Variants in ROS1 observed in about 807,000 individuals in gnomAD.
ROS1 encodes ROS proto-oncogene 1, receptor tyrosine kinase, also known as proto-oncogene tyrosine-protein kinase ROS.
In ROS1, 263 loss-of-function variants were observed where a neutral mutation model predicts 273.5. That is an observed-to-expected ratio of 0.96 (90% CI 0.87 to 1.06). The LOEUF is 1.06. Ranked by LOEUF, ROS1 falls within the 50% of genes least tolerant of loss-of-function variation. The probability of loss-of-function intolerance (pLI) is 0.00; values close to 1 mark genes in which losing one functional copy is unlikely to be tolerated. For synonymous variants in ROS1, 1,008 were observed against 954.1 expected (o/e 1.06, Z -1.04); for missense variants, 2,833 against 2,751.1 (o/e 1.03, Z -0.67).
intron 33 of ROS1, 94 bp downstream of exon 33, chr6:117,329,235 T>C: frequency 1.5e-6 from 1 of 678,630 alleles, no homozygotes. Context: ...TGTTTGTATA[T>C]AAATACATTT....
At chr6:117,326,714 T>A (rs1409747343) in intron 33 of ROS1, among the ~76,000 whole-genome samples, 1 of 152,198 alleles carries the variant, frequency 6.6e-6, no homozygotes, top group East Asian at 1.9e-4. Context: ...TTCTCCAGAA[T>A]TCCAAACCTA....
intron 12 of ROS1, among the ~76,000 whole-genome samples, chr6:117,390,094 CTT>C (rs983948871): frequency 6.6e-6 from 1 of 152,196 alleles, no homozygotes; most frequent in South Asian, 2.1e-4. Flanking sequence ...TTATAAGTGA[CTT>C]TTTAAGGAAT....
chr6:117,379,080 G>T lies in ROS1; in HGVS notation c.2561C>A (p.Thr854Lys), dbSNP rs762602217. The change falls in exon 18 of 44, where the codon ACA becomes AAA. Residue 854 changes from threonine (T) to lysine (K), a missense_variant. By Grantham distance (78) the Thr-to-Lys change is moderately conservative. Coordinates refer to ENST00000368507, the MANE Select transcript of ROS1 (RefSeq NM_001378902.1). ...VQDSQCIHLYTAVLRGQSTGD... is the reference protein window; with the variant it reads ...VQDSQCIHLYKAVLRGQSTGD... ...TTACCTCTGTCCCCGAAGAACAGCT[G>T]TGTACAGGTGAATACATTGACTGTC... 44 of 1,611,738 alleles carry T rather than the reference G, an allele frequency of 2.7e-5. No homozygotes were observed. Among genetic ancestry groups the T allele is most frequent in the Non-Finnish European group, 3.5e-5 (41 of 1,178,236 alleles).
intron 18 of ROS1, among the ~76,000 whole-genome samples, chr6:117,371,547 T>G (rs1582769090): frequency 6.6e-6 from 1 of 152,172 alleles, no homozygotes; most frequent in Non-Finnish European, 1.5e-5. Flanking sequence ...TTGTAAAAAT[T>G]TAAACCGAAT....
At chr6:117,315,887 T>A (rs1461480234) in intron 39 of ROS1, among the ~76,000 whole-genome samples, 3 of 152,262 alleles carry the variant, frequency 2.0e-5, no homozygotes, top group African/African-American at 7.2e-5. Flanking sequence ...TGTCTGATAC[T>A]GTTAGCCATA....
At chr6:117,316,199 T>G (rs1214215920) in intron 39 of ROS1, among the ~76,000 whole-genome samples, 2 of 152,080 alleles carry the variant, frequency 1.3e-5, no homozygotes, top group East Asian at 3.9e-4. Context: ...ATCCTCATCT[T>G]CCATACTGGG....
chr6:117,351,179 C>T (rs529123581), intron 27 of ROS1, among the ~76,000 whole-genome samples: 1 of 152,242 alleles, frequency 6.6e-6, no homozygotes, highest in East Asian at 1.9e-4. Flanking sequence ...CAGTTAACTT[C>T]AAGTGGGTTT....
At chr6:117,351,139 G>A (rs796478098) in intron 27 of ROS1, among the ~76,000 whole-genome samples, 32 of 152,216 alleles carry the variant, frequency 2.1e-4, no homozygotes, top group African/African-American at 7.5e-4. Context: ...TAGGGGAAGG[G>A]GAGGCATTTT....
At chr6:117,343,995 C>T (rs1778161040) in intron 28 of ROS1, 65 bp downstream of exon 28, 1 of 1,370,654 alleles carries the variant, frequency 7.3e-7, no homozygotes. Flanking sequence ...TTTACTATGG[C>T]TCATAATTTT....
intron 1 of ROS1, among the ~76,000 whole-genome samples, chr6:117,422,374 AT>A (rs1037025822): frequency 2.0e-5 from 3 of 152,290 alleles, no homozygotes; most frequent in African/African-American, 4.8e-5. Flanking sequence ...TTATGTAGGA[AT>A]TTTTTATGCT....
intron 1 of ROS1, among the ~76,000 whole-genome samples, chr6:117,420,253 T>A (rs1775649999): frequency 6.6e-6 from 1 of 151,864 alleles, no homozygotes; most frequent in Middle Eastern, 3.2e-3. Flanking sequence ...AACATTAGGA[T>A]CCCCGCTGGT....
rs2128558941 is a variant in ROS1, at chr6:117,319,954, C to T, written c.5836G>A (p.Gly1946Arg). 2 of 1,613,492 alleles carry T rather than the reference C, an allele frequency of 1.2e-6. No homozygotes were observed. Among genetic ancestry groups the T allele is most frequent in the Non-Finnish European group, 1.7e-6 (2 of 1,179,632 alleles). The change falls in exon 37 of 44, where the codon GGA (glycine) becomes AGA (arginine). Residue 1946 changes from glycine (G) to arginine (R), a missense_variant. Physicochemically the swap from Gly to Arg is moderately radical, Grantham distance 125. Transcript: ENST00000368507. The part of the protein sequence containing the change: ...REKLTLRLLL[G>R]SGAFGEVYEG... ...TACACTTCTCCAAAGGCTCCACTTC[C>T]CAGCAAGAGACGCAGAGTCAGTTTT...
chr6:117,347,776 A>G (rs988029330), intron 27 of ROS1, among the ~76,000 whole-genome samples: 3 of 151,998 alleles, frequency 2.0e-5, no homozygotes, highest in African/African-American at 4.8e-5. Context: ...TTCATCCTGA[A>G]TCCGTGTTGA....
intron 27 of ROS1, among the ~76,000 whole-genome samples, chr6:117,347,067 A>G (rs1254287779): frequency 6.6e-6 from 1 of 152,128 alleles, no homozygotes; most frequent in African/African-American, 2.4e-5. Context: ...CTCTCCATAT[A>G]AACTTTAGAA....
chr6:117,303,126 C>G (rs1333437929), intron 42 of ROS1, among the ~76,000 whole-genome samples: 1 of 152,100 alleles, frequency 6.6e-6, no homozygotes, highest in African/African-American at 2.4e-5. Flanking sequence ...ATATTCCAAG[C>G]CTGGTTTTCA....
chr6:117,424,845 T>C (rs1776021319), intron 1 of ROS1, among the ~76,000 whole-genome samples: 1 of 152,230 alleles, frequency 6.6e-6, no homozygotes, highest in Non-Finnish European at 1.5e-5. Flanking sequence ...CATGATATTT[T>C]ATTTGTCTTT....
At chr6:117,297,891 A>C (rs903777075) in intron 43 of ROS1, among the ~76,000 whole-genome samples, 1 of 152,212 alleles carries the variant, frequency 6.6e-6, no homozygotes, top group African/African-American at 2.4e-5. Context: ...AAGGAAAAGA[A>C]ATCATTATAT....
At chr6:117,382,955 A>T (rs932173522) in intron 17 of ROS1, among the ~76,000 whole-genome samples, 1 of 152,170 alleles carries the variant, frequency 6.6e-6, no homozygotes, top group African/African-American at 2.4e-5. Context: ...TAAAATGCCT[A>T]GTCACCACCT....
rs1027212772 is a variant in ROS1 at position 117,365,075 on chromosome 6, G to GC, written c.3087_3088insG (p.Arg1030AlafsTer4). 2.0e-5 allele frequency: 33 copies of GC among 1,613,402 alleles called. No individual in the cohort carries two copies. Among genetic ancestry groups the GC allele is most frequent in the Non-Finnish European group, 2.8e-5 (33 of 1,179,804 alleles). On this transcript the variant is annotated frameshift_variant, in exon 21 of 44. Transcript: ENST00000368507. LOFTEE classifies it high-confidence loss of function. Reference sequence around the variant, plus strand: ...ACCCCTGTACCTGTTTCAGGTGCTCGAAGTGACAGAGATGTTTTGGGGCCC... The same window carrying GC: ...ACCCCTGTACCTGTTTCAGGTGCTCGCAAGTGACAGAGATGTTTTGGGGCCC...
Sources: gnomAD v4.1 joint callset for allele counts (sites outside exome capture counted in the v4.1 genomes callset) on GRCh38, gnomAD v4.1.1 for gene constraint, MANE v1.5 for transcripts, NCBI Gene and HGNC (gene_info 2026-07-23, HGNC 2026-07-21) for gene names.